The following HRH1 variants were observed in gnomAD, a reference collection of about 807,000 sequenced individuals.
HRH1 encodes the protein histamine H1 receptor.
Under a neutral mutation model 10.3 loss-of-function variants are expected in HRH1, and 6 were observed. That is an observed-to-expected ratio of 0.58 (90% confidence interval 0.32 to 1.15). The LOEUF (loss-of-function observed/expected upper bound fraction) is 1.15. Among genes scored for constraint, HRH1 ranks in the 50% most tolerant of loss-of-function variants. HRH1 has a pLI of 0.05. For missense variants in HRH1, 514 were observed against 615.3 expected, an observed-to-expected ratio of 0.84 and a Z score of 1.74; for synonymous variants, 242 against 236.7, an observed-to-expected ratio of 1.02 and a Z score of -0.21.
intron 1 of HRH1, among the ~76,000 whole-genome samples, chr3:11,213,000 T>C (rs1938377579): frequency 6.6e-6 from 1 of 152,194 alleles, no homozygotes; most frequent in Admixed American, 6.5e-5. Context: ...TCTGCATGAC[T>C]CATTTCCTTT....
chr3:11,253,346 T>C (rs1275596314), intron 1 of HRH1: 1 of 152,246 alleles, frequency 6.6e-6, no homozygotes, highest in Non-Finnish European at 1.5e-5. Flanking sequence ...TGACTTTTTC[T>C]TCTTTTTCCC....
At chr3:11,225,386 C>T (rs1003632693) in intron 1 of HRH1, among the ~76,000 whole-genome samples, 5 of 152,158 alleles carry the variant, frequency 3.3e-5, no homozygotes, top group Admixed American at 6.5e-5. Context: ...TGGCCAGACA[C>T]GGGAAGATAT....
At chr3:11,256,906 TATTA>T (rs1939797150) in intron 1 of HRH1, among the ~76,000 whole-genome samples, 1 of 152,218 alleles carries the variant, frequency 6.6e-6, no homozygotes, top group Non-Finnish European at 1.5e-5. Context: ...ATTTACTATT[TATTA>T]GTGTTTATCA....
intron 1 of HRH1, among the ~76,000 whole-genome samples, chr3:11,206,968 G>A (rs1445590312): frequency 6.6e-6 from 1 of 152,148 alleles, no homozygotes; most frequent in East Asian, 1.9e-4. Context: ...GTCTTATCGG[G>A]GTGGAGTCAA....
intron 1 of HRH1, among the ~76,000 whole-genome samples, chr3:11,237,800 C>G (rs367738019): frequency 2.0e-5 from 3 of 151,060 alleles, no homozygotes; most frequent in South Asian, 2.1e-4. Flanking sequence ...CTCAGCCTCC[C>G]GAGTAGCTGG....
At position 11,198,903 on chromosome 3, in the gene HRH1, TAC is replaced by T. The variant is rs59431924; in HGVS notation, c.-36+44373_-36+44374del. 4.2e-3 allele frequency among the ~76,000 whole-genome samples: 428 copies of T among 103,130 alleles called. 1 individual carries two copies. Among genetic ancestry groups the T allele is most frequent in the African/African-American group, 0.013 (368 of 27,822 alleles). 67.7% of individuals were successfully genotyped at this position (103,130 alleles called of 152,430 possible). ...GTATTGTAAACTCTCTCTCTCTTTA[TAC>T]ACACACACACACACACACACACATT... On this transcript the variant is annotated intron_variant, in intron 1 of 1. Coordinates refer to ENST00000431010, the MANE Select transcript of HRH1 (RefSeq NM_001098212.2).
At chr3:11,157,083 T>C (rs1350472809) in intron 1 of HRH1, among the ~76,000 whole-genome samples, 2 of 152,238 alleles carry the variant, frequency 1.3e-5, no homozygotes, top group Non-Finnish European at 2.9e-5. Context: ...CTTTGTGCTC[T>C]GGCTTTGTTC....
At chr3:11,224,794 A>G (rs1487132864) in intron 1 of HRH1, among the ~76,000 whole-genome samples, 2 of 152,136 alleles carry the variant, frequency 1.3e-5, no homozygotes, top group African/African-American at 2.4e-5. Flanking sequence ...GACCAGGGGC[A>G]TAGGTTCCCA....
At chr3:11,245,802 T>C (rs770267381) in intron 1 of HRH1, among the ~76,000 whole-genome samples, 5 of 152,152 alleles carry the variant, frequency 3.3e-5, no homozygotes, top group African/African-American at 4.8e-5. Flanking sequence ...CCTGTCTCAA[T>C]TGATCCTCCC....
At chr3:11,248,876 T>G (rs993103823) in intron 1 of HRH1, among the ~76,000 whole-genome samples, 27 of 152,322 alleles carry the variant, frequency 1.8e-4, no homozygotes, top group Admixed American at 1.4e-3. Context: ...GTTGGTCAGA[T>G]GACCATCCAA....
At chr3:11,201,571 A>G (rs559784577) in intron 1 of HRH1, among the ~76,000 whole-genome samples, 1 of 152,036 alleles carries the variant, frequency 6.6e-6, no homozygotes, top group Admixed American at 6.6e-5. Context: ...AGTGAGGGAA[A>G]CCTCTGCAGA....
chr3:11,221,701 T>C (rs964066943), intron 1 of HRH1, among the ~76,000 whole-genome samples: 1 of 152,104 alleles, frequency 6.6e-6, no homozygotes, highest in Admixed American at 6.6e-5. Context: ...TCCAGAACTC[T>C]TCACTTTGCA....
chr3:11,230,039 A>G (rs367755418), intron 1 of HRH1, among the ~76,000 whole-genome samples: 1 of 152,118 alleles, frequency 6.6e-6, no homozygotes, highest in African/African-American at 2.4e-5. Flanking sequence ...ATCCCAGGTG[A>G]GAGCAAACTT....
intron 1 of HRH1, among the ~76,000 whole-genome samples, chr3:11,179,458 A>G (rs539486640): frequency 5.9e-5 from 9 of 151,318 alleles, no homozygotes; most frequent in Admixed American, 4.6e-4. Context: ...GTCTCTACTA[A>G]AAATACAAAA....
At chr3:11,180,572 C>T (rs575297496) in intron 1 of HRH1, among the ~76,000 whole-genome samples, 18 of 152,232 alleles carry the variant, frequency 1.2e-4, no homozygotes, top group African/African-American at 3.9e-4. Flanking sequence ...TGACCAGTAC[C>T]GGTCCGCAGC....
chr3:11,167,893 A>G (rs1207934531), intron 1 of HRH1, among the ~76,000 whole-genome samples: 2 of 152,202 alleles, frequency 1.3e-5, no homozygotes, highest in Non-Finnish European at 1.5e-5. Context: ...TCTCTGCCCA[A>G]TAGGTGTCAG....
intron 1 of HRH1, among the ~76,000 whole-genome samples, chr3:11,256,114 G>T (rs1428485934): frequency 6.6e-6 from 1 of 152,134 alleles, no homozygotes; most frequent in Non-Finnish European, 1.5e-5. Context: ...GAGAGGATGA[G>T]ATCCCCGAGG....
chr3:11,152,245 T>G (rs1936648774), upstream of HRH1, among the ~76,000 whole-genome samples: 1 of 152,226 alleles, frequency 6.6e-6, no homozygotes, highest in South Asian at 2.1e-4. Context: ...ACACACAGTA[T>G]GCAGTAAGCA....
At chr3:11,161,789 C>T (rs1038129605) in intron 1 of HRH1, among the ~76,000 whole-genome samples, 5 of 152,158 alleles carry the variant, frequency 3.3e-5, no homozygotes, top group African/African-American at 7.2e-5. Flanking sequence ...CTCACAGCAG[C>T]GGGTTTCACC....
Sources: gnomAD v4.1 joint callset for allele counts (sites outside exome capture counted in the v4.1 genomes callset) on GRCh38, gnomAD v4.1.1 for gene constraint, MANE v1.5 for transcripts, NCBI Gene and HGNC (gene_info 2026-07-23, HGNC 2026-07-21) for gene names.